Variants in SORBS2 observed in about 807,000 individuals in gnomAD.
SORBS2 encodes the protein sorbin and SH3 domain-containing protein 2.
SORBS2 carries 46 observed loss-of-function variants against 97.7 expected under a neutral mutation model. The ratio of observed to expected loss-of-function variants is 0.47; its 90% CI spans 0.37 to 0.60. The LOEUF is 0.60. SORBS2 is among the 20% of genes least tolerant of loss of function. SORBS2 has a pLI of 0.00. For missense variants in SORBS2, 1,316 were observed against 1,282.3 expected (o/e 1.03, Z -0.40); for synonymous variants, 476 against 473.4 (o/e 1.01, Z -0.07).
At chr4:185,707,930 T>A (rs2098369945) in intron 2 of SORBS2, among the ~76,000 whole-genome samples, 1 of 152,110 alleles carries the variant, frequency 6.6e-6, no homozygotes. Flanking sequence ...CAAGATGAGA[T>A]TTGGGTGGGG....
chr4:185,723,453 T>G (rs6821153), intron 2 of SORBS2, among the ~76,000 whole-genome samples: 89,730 of 152,054 alleles, frequency 0.59, 26,630 homozygotes, highest in Middle Eastern at 0.68. Context: ...TTCCATGAGG[T>G]TCGTGAGAAA....
intron 1 of SORBS2, among the ~76,000 whole-genome samples, chr4:185,950,254 A>AC (rs2099276589): frequency 1.3e-5 from 2 of 149,262 alleles, no homozygotes; most frequent in African/African-American, 5.1e-5. Context: ...GTCTCAAAAA[A>AC]AAAAAAAGAA....
intron 4 of SORBS2, chr4:185,665,951 T>C: frequency 8.1e-7 from 1 of 1,241,560 alleles, no homozygotes. Flanking sequence ...TGGATGAGGC[T>C]TTCTGGAGCT....
At chr4:185,600,687 G>T (rs530064336) in intron 12 of SORBS2, among the ~76,000 whole-genome samples, 39 of 152,244 alleles carry the variant, frequency 2.6e-4, no homozygotes, top group African/African-American at 9.1e-4. Flanking sequence ...GGTTCAAGAT[G>T]CTCTCAAACC....
rs374267952 is a variant in SORBS2, at chr4:185,826,845, C to A, written c.-337-51479G>T. Among the ~76,000 whole-genome samples the A allele has an allele frequency of 2.3e-4, 35 of 152,248 alleles. 1 individual carries two copies. In the South Asian group the frequency reaches 3.7e-3, roughly 16 times the overall value. On this transcript the variant is annotated intron_variant, in intron 1 of 20. Transcript: ENST00000284776. ...ATGAGCAAATTCCTGACTTTATGTC[C>A]CTCGGTTCTTTTATTTGTAGATTGG...
intron 1 of SORBS2, among the ~76,000 whole-genome samples, chr4:185,789,754 C>A (rs1448431903): frequency 6.6e-6 from 1 of 151,996 alleles, no homozygotes; most frequent in Admixed American, 6.6e-5. Flanking sequence ...ATTTTTAATG[C>A]AATATTTCAT....
intron 2 of SORBS2, among the ~76,000 whole-genome samples, 190 bp from the exon 3 acceptor site, chr4:185,734,344 T>A (rs2098667883): frequency 6.6e-6 from 1 of 152,178 alleles, no homozygotes; most frequent in Non-Finnish European, 1.5e-5. Context: ...TACTTACTGT[T>A]TTTAGTTTGT....
intron 4 of SORBS2, among the ~76,000 whole-genome samples, chr4:185,642,718 C>A (rs1007506340): frequency 6.6e-6 from 1 of 152,300 alleles, no homozygotes; most frequent in South Asian, 2.1e-4. Flanking sequence ...AACGCATATG[C>A]CACTGATTCC....
intron 1 of SORBS2, among the ~76,000 whole-genome samples, chr4:185,776,798 G>A (rs35991414): frequency 0.039 from 5,925 of 151,756 alleles, 156 homozygotes; most frequent in Non-Finnish European, 0.061. Context: ...TACTTGGGAG[G>A]CTGAGGCAGG....
chr4:185,615,252 T>C (rs948922019), intron 9 of SORBS2, 93 bp from the exon 22 acceptor site: 1 of 766,334 alleles, frequency 1.3e-6, no homozygotes, highest in African/African-American at 1.7e-5. Context: ...GTTTGGCAAA[T>C]ATACTTACAA....
At chr4:185,611,278 CT>C (rs1285566156) in intron 12 of SORBS2, among the ~76,000 whole-genome samples, 1 of 151,792 alleles carries the variant, frequency 6.6e-6, no homozygotes, top group East Asian at 1.9e-4. Context: ...ACCCGGTGTT[CT>C]TGTGATATAC....
chr4:185,628,364 C>T (rs1262969490), intron 5 of SORBS2, among the ~76,000 whole-genome samples: 1 of 151,548 alleles, frequency 6.6e-6, no homozygotes, highest in Non-Finnish European at 1.5e-5. Context: ...AGGAAAATCT[C>T]TCTCACCTCA....
In SORBS2 at chr4:185,928,797, C is replaced by G. The variant is rs555128252; in HGVS notation, c.-338+27399G>C. 3.2e-3 allele frequency among the ~76,000 whole-genome samples: 488 copies of G among 152,274 alleles called. 2 individuals carry two copies. The highest frequency in any genetic ancestry group is 0.011 in the African/African-American group (469 of 41,562). On this transcript the variant is annotated intron_variant, in intron 1 of 20. Transcript: ENST00000284776. ...TCCTGACCTCGTGATCCGCCCACCT[C>G]GGCCTCCTAAAGTGCTGGGATTCCA...
exon 4 of SORBS2, chr4:185,646,738 A>C (rs774860252): frequency 6.2e-7 from 1 of 1,613,864 alleles, no homozygotes; most frequent in South Asian, 1.1e-5. Flanking sequence ...CTCAGACCGA[A>C]ATTTTCTTGT....
At position 185,629,347 on chromosome 4, in the gene SORBS2, G is replaced by A. The variant is rs116509185; in HGVS notation, c.446+1202C>T. The stretch of plus-strand genomic sequence containing the variant: ...AGATAGAGGCAGAAGATAAAAAGGA[G>A]GGGTTCCAGAGTTCCTTTCTCAGGG... On this transcript the variant is annotated intron_variant, in intron 5 of 14. Coordinates refer to ENST00000418609, the Ensembl canonical transcript of SORBS2. Among the ~76,000 whole-genome samples, 990 of 152,124 alleles carry A rather than the reference G, an allele frequency of 6.5e-3. 10 individuals are homozygous for A. The highest frequency in any genetic ancestry group is 0.023 in the African/African-American group (949 of 41,486).
rs555966830 is a variant in SORBS2, at chr4:185,908,892, G to T, written c.-338+47304C>A. ...ATATATGAATATATGCATTATACAT[G>T]TACTTTATATACATGTATTTTTATA... On this transcript the variant is annotated intron_variant, in intron 1 of 20. Transcript: ENST00000284776. 2.6e-5 allele frequency among the ~76,000 whole-genome samples: 4 copies of T among 151,168 alleles called. No homozygotes were observed. In the East Asian group the frequency reaches 7.7e-4, roughly 29 times the overall value.
At chr4:185,738,061 T>C (rs1338085920) in intron 2 of SORBS2, among the ~76,000 whole-genome samples, 1 of 152,168 alleles carries the variant, frequency 6.6e-6, no homozygotes, top group African/African-American at 2.4e-5. Flanking sequence ...ACAGAATGTT[T>C]TTGTGCTGTC....
At chr4:185,880,111 T>C (rs989493782) in intron 1 of SORBS2, among the ~76,000 whole-genome samples, 1 of 152,224 alleles carries the variant, frequency 6.6e-6, no homozygotes, top group Non-Finnish European at 1.5e-5. Context: ...GATGGTTCTG[T>C]CTAGTTCTGC....
At chr4:185,821,368 T>G (rs1251212067) in intron 1 of SORBS2, among the ~76,000 whole-genome samples, 1 of 152,178 alleles carries the variant, frequency 6.6e-6, no homozygotes, top group Non-Finnish European at 1.5e-5. Flanking sequence ...TTTTTCGTGG[T>G]AAGAACTTTG....
Sources: gnomAD v4.1 joint callset for allele counts (sites outside exome capture counted in the v4.1 genomes callset) on GRCh38, gnomAD v4.1.1 for gene constraint, MANE v1.5 for transcripts, NCBI Gene and HGNC (gene_info 2026-07-23, HGNC 2026-07-21) for gene names.